Variants in DUSP22 observed in about 807,000 individuals in gnomAD.
DUSP22 encodes the protein dual specificity protein phosphatase 22.
DUSP22 carries 24 observed loss-of-function variants against 24.5 expected under a neutral mutation model. The ratio of observed to expected loss-of-function variants is 0.98; its 90% CI spans 0.71 to 1.38. DUSP22 has a LOEUF of 1.38. Ranked by LOEUF, DUSP22 falls within the 40% of genes most tolerant of loss-of-function variation. The probability of loss-of-function intolerance (pLI) is 0.00; values close to 1 mark genes in which losing one functional copy is unlikely to be tolerated. For missense variants in DUSP22, 330 were observed against 269.2 expected (o/e 1.23, Z -1.58); for synonymous variants, 160 against 106.4 (o/e 1.50, Z -3.10).
At chr6:308,922 TGCCCCGCCTCTACTGGGTCCTC>T (rs1242280396) in intron 2 of DUSP22, among the ~76,000 whole-genome samples, 2 of 152,426 alleles carry the variant, frequency 1.3e-5, no homozygotes, top group East Asian at 3.9e-4. Context: ...GCCATCAGGC[TGCCCCGCCTCTACTGGGTCCTC>T]GCCCCACCTC....
intron 2 of DUSP22, among the ~76,000 whole-genome samples, chr6:308,769 C>T (rs563716110): frequency 5.9e-5 from 9 of 152,414 alleles, no homozygotes; most frequent in Non-Finnish European, 1.2e-4. Flanking sequence ...GATCAGGGTC[C>T]GTATTATGGT....
At chr6:297,955 G>T (rs1367096516) in intron 1 of DUSP22, among the ~76,000 whole-genome samples, 1 of 152,302 alleles carries the variant, frequency 6.6e-6, no homozygotes, top group Non-Finnish European at 1.5e-5. Flanking sequence ...CCTGTAGTGA[G>T]CTGTTAATAG....
chr6:321,845 G>T (rs937485869), intron 3 of DUSP22, among the ~76,000 whole-genome samples: 1 of 152,302 alleles, frequency 6.6e-6, no homozygotes, highest in African/African-American at 2.4e-5. Context: ...ATGCCTGAGG[G>T]TACAGCTAAT....
chr6:335,267 A>T (rs2127413623), intron 4 of DUSP22, 104 bp downstream of exon 4: 1 of 1,418,296 alleles, frequency 7.1e-7, no homozygotes, highest in East Asian at 2.3e-5. Flanking sequence ...AGCTCACGGG[A>T]CCCTTGCTGA....
At chr6:348,596 C>T in intron 6 of DUSP22, 173 bp from the exon 7 acceptor site, 3 of 1,149,956 alleles carry the variant, frequency 2.6e-6, no homozygotes, top group Non-Finnish European at 3.7e-6. Context: ...AGGAGCAGTT[C>T]CTTCTCTTGC....
At chr6:313,464 C>T (rs533200867) in intron 3 of DUSP22, among the ~76,000 whole-genome samples, 550 of 152,228 alleles carry the variant, frequency 3.6e-3, no homozygotes, top group South Asian at 0.015. Flanking sequence ...ATAAAGAGCC[C>T]GCTGATTGTG....
intron 1 of DUSP22, among the ~76,000 whole-genome samples, chr6:299,817 C>T (rs555399662): frequency 7.9e-4 from 121 of 152,374 alleles, no homozygotes; most frequent in African/African-American, 2.5e-3. Flanking sequence ...GGCCGGGCAC[C>T]GTTTCGCATG....
At chr6:321,137 G>A (rs1758569463) in intron 3 of DUSP22, among the ~76,000 whole-genome samples, 1 of 152,302 alleles carries the variant, frequency 6.6e-6, no homozygotes, top group South Asian at 2.1e-4. Flanking sequence ...TGATGGAGAT[G>A]ACAGGTGAGT....
At position 349,800 on chromosome 6, in the gene DUSP22, GTGTT is replaced by G. The variant is rs1760101927; in HGVS notation, c.*854_*857del. ...CCCATCGAGCCCTGAGTTCTACTTGGTGTTTGTTCTCTGGAGCTGATTGCACTTG... is the reference window on the plus strand; with the variant it reads ...CCCATCGAGCCCTGAGTTCTACTTGGTGTTCTCTGGAGCTGATTGCACTTG... On this transcript the variant is annotated 3_prime_UTR_variant, in exon 7 of 7. Transcript: ENST00000419235. 2 of 985,838 alleles carry G rather than the reference GTGTT, an allele frequency of 2.0e-6. No homozygotes were observed. The highest frequency in any genetic ancestry group is 1.7e-5 in the African/African-American group (1 of 57,284). The allele number at this position is 985,838 out of a possible 1,614,324, so 61.1% of individuals were successfully genotyped here.
At chr6:292,687 A>AG in intron 1 of DUSP22, 127 bp downstream of exon 1, 3 of 1,334,088 alleles carry the variant, frequency 2.2e-6, no homozygotes, top group Non-Finnish European at 9.7e-7. Flanking sequence ...GCGCGGAGGG[A>AG]GGGGCGGCGC....
intron 4 of DUSP22, among the ~76,000 whole-genome samples, chr6:337,613 C>T (rs1383469376): frequency 2.0e-5 from 3 of 152,292 alleles, no homozygotes; most frequent in Admixed American, 6.5e-5. Flanking sequence ...GAAGGACTAG[C>T]CCATACTTTT....
chr6:332,784 G>A (rs1025358516), intron 3 of DUSP22, among the ~76,000 whole-genome samples: 3 of 152,284 alleles, frequency 2.0e-5, no homozygotes, highest in African/African-American at 7.2e-5. Flanking sequence ...GATGGAAGTC[G>A]CTGACACTGA....
intron 4 of DUSP22, among the ~76,000 whole-genome samples, chr6:335,538 A>G (rs1471866858): frequency 7.2e-5 from 11 of 152,304 alleles, no homozygotes; most frequent in Admixed American, 7.2e-4. Context: ...ATAGTGAGCC[A>G]CAAATGGGCA....
intron 3 of DUSP22, among the ~76,000 whole-genome samples, chr6:323,326 C>T (rs12198312): frequency 0.083 from 12,406 of 148,832 alleles, 39 homozygotes; most frequent in Non-Finnish European, 0.11. Context: ...TTTCAGTTAT[C>T]ACCGCAGCTA....
intron 4 of DUSP22, among the ~76,000 whole-genome samples, chr6:340,389 T>C (rs1381689875): frequency 5.3e-5 from 8 of 152,290 alleles, no homozygotes; most frequent in African/African-American, 1.7e-4. Flanking sequence ...GAAAGCGTGC[T>C]GGGGCAGGGC....
Position 348,165 on chromosome 6 carries a change from T to G in DUSP22, c.326T>G (p.Phe109Cys), listed in dbSNP as rs1355210647. ...GCATACATCATGACCGTCACTGACT[T>G]TGGCTGGGAGGATGCCCTGCACACC... ...VIAYIMTVTD[F>C]GWEDALHTVR... Residue 109 changes from phenylalanine (F) to cysteine (C), a missense_variant, in exon 6 of 7, where the codon TTT (phenylalanine) becomes TGT (cysteine). Physicochemically the swap from Phe to Cys is radical, Grantham distance 205. Coordinates refer to ENST00000419235, the MANE Select transcript of DUSP22 (RefSeq NM_001286555.3). 4.3e-6 allele frequency: 7 copies of G among 1,614,298 alleles called. No homozygotes were observed. In the East Asian group the frequency reaches 1.6e-4, roughly 36 times the overall value.
chr6:350,301 T>C lies in DUSP22; in HGVS notation c.*1350T>C, dbSNP rs1760134494. 2 of 998,476 alleles carry C rather than the reference T, an allele frequency of 2.0e-6. No homozygotes were observed. The highest frequency in any genetic ancestry group is 3.5e-5 in the African/African-American group (2 of 57,364). 61.9% of individuals were successfully genotyped at this position (998,476 alleles called of 1,614,324 possible). ...CCACGAGAGCATCTACAGTTTGTAC[T>C]CTGGGGCTGCAGGCATCCTGGGACG... On this transcript the variant is annotated 3_prime_UTR_variant, in exon 7 of 7. Transcript: ENST00000419235.
Position 349,261 on chromosome 6 carries a change from CTGTG to C in DUSP22, c.*313_*316del, listed in dbSNP as rs1760056789. On this transcript the variant is annotated 3_prime_UTR_variant, in exon 7 of 7. Transcript: ENST00000419235. ...TGACTAAGTGGATGCATGTGTGTGC[CTGTG>C]TGAGTGAGGGTATGTGCACCTAAGT... The C allele has an allele frequency of 1.5e-6, 2 of 1,330,572 alleles. No individual in the cohort carries two copies. Among genetic ancestry groups the C allele is most frequent in the Admixed American group, 3.3e-5 (1 of 30,138 alleles). The allele number at this position is 1,330,572 out of a possible 1,614,324, so 82.4% of individuals were successfully genotyped here. A position where few individuals can be genotyped will look rare whatever the true frequency, so the allele number is the denominator to read the frequency against.
intron 3 of DUSP22, among the ~76,000 whole-genome samples, chr6:318,951 C>T (rs1300288948): frequency 2.6e-5 from 4 of 152,300 alleles, no homozygotes; most frequent in African/African-American, 9.6e-5. Flanking sequence ...GGATGATACC[C>T]ATCATATAAT....
Sources: allele counts gnomAD v4.1 joint callset (sites outside exome capture counted in the v4.1 genomes callset), GRCh38; gene constraint gnomAD v4.1.1; transcripts MANE v1.5; gene names NCBI Gene and HGNC (gene_info 2026-07-23, HGNC 2026-07-21).